ZNF714: variants seen among roughly 807,000 people sequenced by gnomAD.
ZNF714 encodes zinc finger protein 714.
A neutral mutation model predicts 46.2 loss-of-function variants in ZNF714; 32 were observed. The ratio of observed to expected loss-of-function variants is 0.69; its 90% CI spans 0.52 to 0.93. The LOEUF (loss-of-function observed/expected upper bound fraction) is 0.93. Ranked by LOEUF, ZNF714 falls within the 40% of genes least tolerant of loss-of-function variation. ZNF714 has a pLI of 0.00. For missense variants in ZNF714, 635 were observed against 646.3 expected (o/e 0.98, Z 0.19); for synonymous variants, 199 against 213.1 (o/e 0.93, Z 0.58).
intron 4 of ZNF714, among the ~76,000 whole-genome samples, chr19:21,108,027 G>A (rs1168224955): frequency 6.6e-6 from 1 of 152,056 alleles, no homozygotes; most frequent in Non-Finnish European, 1.5e-5. Context: ...TGACTCAAGC[G>A]ATCTTTCCAC....
At chr19:21,101,087 T>G (rs965548198) in intron 4 of ZNF714, among the ~76,000 whole-genome samples, 1 of 152,216 alleles carries the variant, frequency 6.6e-6, no homozygotes, top group Non-Finnish European at 1.5e-5. Context: ...AACTTTTTAC[T>G]TATTTCTCTT....
intron 2 of ZNF714, among the ~76,000 whole-genome samples, chr19:21,085,369 A>G (rs893198399): frequency 3.3e-5 from 5 of 152,202 alleles, no homozygotes; most frequent in South Asian, 4.1e-4. Flanking sequence ...GTGTTCCCAT[A>G]TGACTAATTG....
At chr19:21,107,472 C>T (rs1313788309) in intron 4 of ZNF714, among the ~76,000 whole-genome samples, 1 of 152,132 alleles carries the variant, frequency 6.6e-6, no homozygotes, top group African/African-American at 2.4e-5. Flanking sequence ...CTCCTGACCT[C>T]AGGTGATCCG....
chr19:21,112,788 T>C (rs967827098), intron 4 of ZNF714, among the ~76,000 whole-genome samples: 1 of 150,154 alleles, frequency 6.7e-6, no homozygotes, highest in African/African-American at 2.4e-5. Context: ...TTCATTCTCA[T>C]TGGTTTCAAA....
intron 2 of ZNF714, among the ~76,000 whole-genome samples, chr19:21,089,029 C>A (rs1968848924): frequency 6.6e-6 from 1 of 152,086 alleles, no homozygotes; most frequent in South Asian, 2.1e-4. Context: ...CCATAATTGC[C>A]CTTAGCCATT....
intron 2 of ZNF714, among the ~76,000 whole-genome samples, chr19:21,092,540 C>T (rs941369939): frequency 7.9e-5 from 12 of 152,118 alleles, no homozygotes; most frequent in Non-Finnish European, 1.2e-4. Flanking sequence ...ACAAAAACTC[C>T]GTCCACTTAC....
At chr19:21,082,884 T>C (rs1014228091) in intron 1 of ZNF714, among the ~76,000 whole-genome samples, 5 of 152,138 alleles carry the variant, frequency 3.3e-5, no homozygotes, top group Admixed American at 2.0e-4. Flanking sequence ...CCAAATTCAG[T>C]AATTGGTTAG....
intron 4 of ZNF714, among the ~76,000 whole-genome samples, chr19:21,103,705 G>A (rs909500581): frequency 2.0e-5 from 3 of 152,090 alleles, no homozygotes; most frequent in Non-Finnish European, 1.5e-5. Context: ...AGCCCAGCCT[G>A]GGCAACATTC....
In ZNF714 at chr19:21,122,328, A is replaced by G. The variant is rs1039466520; in HGVS notation, c.*3996A>G. 4 of 152,196 alleles carry G rather than the reference A, an allele frequency of 2.6e-5. No homozygotes were observed. The highest frequency in any genetic ancestry group is 5.9e-5 in the Non-Finnish European group (4 of 68,040). The allele number at this position is 152,196 out of a possible 1,614,324, so 9.4% of individuals were successfully genotyped here. On this transcript the variant is annotated 3_prime_UTR_variant, in exon 5 of 5. Transcript: ENST00000456283. ...GATTGATTCTTCATATGGAGTGGAC[A>G]TTTTTTCCAGACTATAAAACTGAAT...
intron 4 of ZNF714, among the ~76,000 whole-genome samples, chr19:21,105,582 GT>G (rs1282766887): frequency 6.6e-6 from 1 of 151,864 alleles, no homozygotes; most frequent in Non-Finnish European, 1.5e-5. Context: ...CCCATGTCAA[GT>G]TTTTTTTCTA....
intron 4 of ZNF714, among the ~76,000 whole-genome samples, chr19:21,110,390 C>G (rs914349950): frequency 6.6e-6 from 1 of 151,984 alleles, no homozygotes; most frequent in Non-Finnish European, 1.5e-5. Flanking sequence ...ACATAAATGT[C>G]TTCTTTTGAG....
chr19:21,098,847 A>C lies in ZNF714; in HGVS notation c.79A>C (p.Ser27Arg). ...TGTCTCTAAGCAAGACCCGATCACC[A>C]GTCTAGAGCAAGAAAAAGAGCCCTG... ...IAVSKQDPIT[S>R]LEQEKEPWNM... The change falls in exon 4 of 5, where the codon AGT becomes CGT. Residue 27 changes from serine to arginine, a missense_variant. Transcript: ENST00000456283. 1 of 1,611,160 alleles carries C rather than the reference A, an allele frequency of 6.2e-7. No individual in the cohort carries two copies. The highest frequency in any genetic ancestry group is 8.5e-7 in the Non-Finnish European group (1 of 1,178,726).
chr19:21,101,736 C>G (rs1332890446), intron 4 of ZNF714, among the ~76,000 whole-genome samples: 1 of 152,190 alleles, frequency 6.6e-6, no homozygotes, highest in Non-Finnish European at 1.5e-5. Context: ...TCTGAAAGGG[C>G]AGGACCTCTC....
At chr19:21,090,871 C>CTTT (rs1568273372) in intron 2 of ZNF714, 1 of 121,834 alleles carries the variant, frequency 8.2e-6, no homozygotes. Flanking sequence ...TTATGCCTCT[C>CTTT]CTTTTTTTTT....
chr19:21,087,182 A>G (rs190918860), intron 2 of ZNF714, among the ~76,000 whole-genome samples: 36 of 146,156 alleles, frequency 2.5e-4, no homozygotes, highest in African/African-American at 7.1e-4. Flanking sequence ...GATCAACACA[A>G]CTTGATTGTC....
At position 21,122,313 on chromosome 19, in the gene ZNF714, T is replaced by A. The variant is rs1355717246; in HGVS notation, c.*3981T>A. 6.6e-6 allele frequency: 1 copy of A among 152,210 alleles called. No individual in the cohort carries two copies. The highest frequency in any genetic ancestry group is 1.5e-5 in the Non-Finnish European group (1 of 68,034). 9.4% of individuals were successfully genotyped at this position (152,210 alleles called of 1,614,324 possible). A position where few individuals can be genotyped will look rare whatever the true frequency, so the allele number is the denominator to read the frequency against. ...GTGGTGAAGAAATAAGATTGATTCT[T>A]CATATGGAGTGGACATTTTTTCCAG... is the stretch of plus-strand genomic sequence containing the variant. On this transcript the variant is annotated 3_prime_UTR_variant, in exon 5 of 5. Transcript: ENST00000456283.
intron 2 of ZNF714, among the ~76,000 whole-genome samples, chr19:21,084,927 A>G (rs893616221): frequency 2.0e-5 from 3 of 152,146 alleles, no homozygotes; most frequent in Admixed American, 6.5e-5. Context: ...GCCAGCAGGA[A>G]AATATTTACA....
Position 21,098,827 on chromosome 19 carries a change from C to T in ZNF714, c.59C>T (p.Ser20Phe). The change falls in exon 4 of 5, where the codon TCT becomes TTT. Residue 20 changes from serine (S) to phenylalanine (F), a missense_variant. Transcript: ENST00000456283. The part of the protein sequence containing the change: ...NLVFLAGIAV[S>F]KQDPITSLEQ... Reference sequence around the variant, plus strand: ...TTTAATAAAGCAGGTATTGCTGTCTCTAAGCAAGACCCGATCACCAGTCTA... The same window carrying T: ...TTTAATAAAGCAGGTATTGCTGTCTTTAAGCAAGACCCGATCACCAGTCTA... 6.2e-7 allele frequency: 1 copy of T among 1,609,066 alleles called. No individual in the cohort carries two copies. The highest frequency in any genetic ancestry group is 1.1e-5 in the South Asian group (1 of 90,520).
intron 2 of ZNF714, among the ~76,000 whole-genome samples, chr19:21,091,926 T>C (rs568158138): frequency 2.6e-5 from 4 of 152,294 alleles, no homozygotes; most frequent in Admixed American, 2.6e-4. Flanking sequence ...AAGCCCTGAA[T>C]CAGGGTCTGT....
Sources: allele counts gnomAD v4.1 joint callset (sites outside exome capture counted in the v4.1 genomes callset), GRCh38; gene constraint gnomAD v4.1.1; transcripts MANE v1.5; gene names NCBI Gene and HGNC (gene_info 2026-07-23, HGNC 2026-07-21).